Variants in ZBED4 observed in about 807,000 individuals in gnomAD.
The protein encoded by ZBED4 is zinc finger BED-type containing 4.
Under a neutral mutation model 15.5 loss-of-function variants are expected in ZBED4, and 4 were observed. That is an observed-to-expected ratio of 0.26 (90% CI 0.13 to 0.59). The LOEUF is 0.59. Ranked by LOEUF, ZBED4 falls within the 20% of genes least tolerant of loss-of-function variation. ZBED4 has a pLI of 0.90. For synonymous variants in ZBED4, 692 were observed against 608.5 expected, an observed-to-expected ratio of 1.14 and a Z score of -2.02; for missense variants, 1,323 against 1,461.8, an observed-to-expected ratio of 0.91 and a Z score of 1.55.
chr22:49,887,034 C>T lies in ZBED4; in HGVS notation c.3372C>T (p.Cys1124=), dbSNP rs1367960575. 1.2e-6 allele frequency: 2 copies of T among 1,613,938 alleles called. No homozygotes were observed. Among genetic ancestry groups the T allele is most frequent in the Non-Finnish European group, 1.7e-6 (2 of 1,180,042 alleles). Residue 1124 remains cysteine (C), a synonymous_variant, in exon 2 of 2, where the codon TGC becomes TGT. Coordinates refer to ENST00000216268, the MANE Select transcript of ZBED4 (RefSeq NM_014838.3). ...CGCTGGCCGTCAGATTTTTGGGCTG[C>T]CCCCCAAGCATCGTCCCTTCAGAAA... The part of the protein sequence containing the change: ...LSALAVRFLG[C]PPSIVPSEKL...
At position 49,886,989 on chromosome 22, in the gene ZBED4, G is replaced by A. The variant is rs144484677; in HGVS notation, c.3327G>A (p.Ala1109=). Reference sequence around the variant, plus strand: ...TCACCTACTGGAACCTGAAGAAGGCGTCCTGGCCGGGGCTGTCCGCGCTGG... The same window carrying A: ...TCACCTACTGGAACCTGAAGAAGGCATCCTGGCCGGGGCTGTCCGCGCTGG... ...DPLTYWNLKK[A]SWPGLSALAV... Residue 1109 remains alanine, a synonymous_variant, in exon 2 of 2, where the codon GCG becomes GCA. Transcript: ENST00000216268. This position sits in a 1 kb window ranked among gnomAD's most constrained non-coding sequence, Gnocchi z 7.7. 6.3e-5 allele frequency: 101 copies of A among 1,613,986 alleles called. No individual in the cohort carries two copies. The highest frequency in any genetic ancestry group is 1.1e-4 in the South Asian group (10 of 91,072).
At chr22:49,857,859 C>T (rs576789687) in intron 1 of ZBED4, among the ~76,000 whole-genome samples, 1 of 152,338 alleles carries the variant, frequency 6.6e-6, no homozygotes, top group East Asian at 1.9e-4. Flanking sequence ...CAGGTTAAAG[C>T]GATTCTCCTT....
chr22:49,865,262 C>CA (rs2060316717), intron 1 of ZBED4, among the ~76,000 whole-genome samples: 1 of 152,054 alleles, frequency 6.6e-6, no homozygotes, highest in South Asian at 2.1e-4. Context: ...GCACAGTAAA[C>CA]AGATGGTGTC....
Position 49,887,912 on chromosome 22 carries a change from C to G in ZBED4, c.*734C>G, listed in dbSNP as rs1463512342. ...GATCCCTTTGTAACTGTGCTCATCA[C>G]TTCGCCAGTGCGTTCAATGACACGC... On this transcript the variant is annotated 3_prime_UTR_variant, in exon 2 of 2. Coordinates refer to ENST00000216268, the MANE Select transcript of ZBED4 (RefSeq NM_014838.3). 1 of 167,276 alleles carries G rather than the reference C, an allele frequency of 6.0e-6. No individual in the cohort carries two copies. The highest frequency in any genetic ancestry group is 1.5e-5 in the Non-Finnish European group (1 of 68,134). The allele number at this position is 167,276 out of a possible 1,614,324, so 10.4% of individuals were successfully genotyped here.
At chr22:49,867,629 C>T (rs1419331888) in intron 1 of ZBED4, among the ~76,000 whole-genome samples, 2 of 152,290 alleles carry the variant, frequency 1.3e-5, no homozygotes, top group South Asian at 2.1e-4. Flanking sequence ...CAGCTTGGTT[C>T]TGTGGGCCGT....
intron 1 of ZBED4, among the ~76,000 whole-genome samples, chr22:49,873,186 C>T (rs1252979609): frequency 6.6e-6 from 1 of 152,198 alleles, no homozygotes; most frequent in Non-Finnish European, 1.5e-5. Flanking sequence ...TACAAGAGTC[C>T]TAGCGTTGGC....
chr22:49,878,339 C>CT, intron 1 of ZBED4, among the ~76,000 whole-genome samples: 1 of 147,598 alleles, frequency 6.8e-6, no homozygotes. Flanking sequence ...CAGAGATAGG[C>CT]TTTCATTTCT....
intron 1 of ZBED4, among the ~76,000 whole-genome samples, chr22:49,872,419 C>G (rs556819723): frequency 6.6e-6 from 1 of 152,346 alleles, no homozygotes; most frequent in South Asian, 2.1e-4. Context: ...GTCACTTCCT[C>G]CATTGAAGTC....
rs2060456307 is a variant in ZBED4, at chr22:49,889,320, C to G, written c.*2142C>G. The G allele has an allele frequency of 6.0e-6, 1 of 167,062 alleles. No individual in the cohort carries two copies. Among genetic ancestry groups the G allele is most frequent in the Non-Finnish European group, 1.5e-5 (1 of 68,128 alleles). The allele number at this position is 167,062 out of a possible 1,614,324, so 10.3% of individuals were successfully genotyped here. A position where few individuals can be genotyped will look rare whatever the true frequency, so the allele number is the denominator to read the frequency against. ...TTTAACATGGTGTCTTGGCTACTTT[C>G]AGGCTGCGACGGGAGAACTGAATAG... On this transcript the variant is annotated 3_prime_UTR_variant, in exon 2 of 2. Transcript: ENST00000216268.
chr22:49,855,734 C>G (rs2060272472), intron 1 of ZBED4, among the ~76,000 whole-genome samples: 1 of 152,110 alleles, frequency 6.6e-6, no homozygotes, highest in African/African-American at 2.4e-5. Flanking sequence ...TGGTCTCATT[C>G]TCTTTGGTGT....
intron 1 of ZBED4, among the ~76,000 whole-genome samples, chr22:49,878,507 G>T (rs1013282612): frequency 6.6e-6 from 1 of 152,088 alleles, no homozygotes; most frequent in Admixed American, 6.6e-5. Flanking sequence ...CATGGAGAAA[G>T]GATTGTCCTT....
intron 1 of ZBED4, among the ~76,000 whole-genome samples, chr22:49,872,964 A>G (rs201268204): frequency 6.6e-6 from 1 of 152,060 alleles, no homozygotes; most frequent in African/African-American, 2.4e-5. Flanking sequence ...CCAAAGTGCT[A>G]GGATTACAGG....
At chr22:49,874,449 G>A (rs1341875744) in intron 1 of ZBED4, among the ~76,000 whole-genome samples, 3 of 150,446 alleles carry the variant, frequency 2.0e-5, no homozygotes, top group Admixed American at 6.6e-5. Flanking sequence ...GCAGTGGTGC[G>A]ATCTCGGCTC....
At position 49,885,879 on chromosome 22, in the gene ZBED4, G is replaced by C; in HGVS notation, c.2217G>C (p.Gln739His). 1.6e-6 allele frequency: 2 copies of C among 1,253,144 alleles called. No individual in the cohort carries two copies. The highest frequency in any genetic ancestry group is 2.3e-6 in the Non-Finnish European group (2 of 856,288). The allele number at this position is 1,253,144 out of a possible 1,614,324, so 77.6% of individuals were successfully genotyped here. ...CGTCTGGAATATGGATGAGTAACCAGACCCGTGAGTACCTGACCCTCACGG... is the reference window on the plus strand; with the variant it reads ...CGTCTGGAATATGGATGAGTAACCACACCCGTGAGTACCTGACCCTCACGG... Reference protein sequence around the residue: ...HFTSGIWMSNQTREYLTLTAH... With the variant: ...HFTSGIWMSNHTREYLTLTAH... Residue 739 changes from glutamine to histidine, a missense_variant, in exon 2 of 2, where the codon CAG becomes CAC. Transcript: ENST00000216268.
chr22:49,864,451 G>A (rs77396786), intron 1 of ZBED4, among the ~76,000 whole-genome samples: 38 of 152,230 alleles, frequency 2.5e-4, no homozygotes, highest in Middle Eastern at 3.4e-3. Context: ...TAGCCATTAC[G>A]TACTACAGAT....
Position 49,885,340 on chromosome 22 carries a change from A to G in ZBED4, c.1678A>G (p.Thr560Ala). The G allele has an allele frequency of 2.5e-6, 4 of 1,588,466 alleles. No individual in the cohort carries two copies. Among genetic ancestry groups the G allele is most frequent in the South Asian group, 2.2e-5 (2 of 89,272 alleles). Reference sequence around the variant, plus strand: ...TATGTTTCCTGTTAATAGCAAAAAGACCTCGAAGCTGTGGAATCATTTTTC... The same window carrying G: ...TATGTTTCCTGTTAATAGCAAAAAGGCCTCGAAGCTGTGGAATCATTTTTC... ...QVMFPVNSKK[T>A]SKLWNHFSIC... The change falls in exon 2 of 2, where the codon ACC (threonine) becomes GCC (alanine). Residue 560 changes from threonine (T) to alanine (A), a missense_variant. Coordinates refer to ENST00000216268, the MANE Select transcript of ZBED4 (RefSeq NM_014838.3).
At chr22:49,871,631 T>C (rs1373949584) in intron 1 of ZBED4, among the ~76,000 whole-genome samples, 4 of 152,172 alleles carry the variant, frequency 2.6e-5, no homozygotes. Flanking sequence ...CAACTCATAA[T>C]CTCAGCTGGG....
intron 1 of ZBED4, among the ~76,000 whole-genome samples, chr22:49,882,402 A>T (rs1160568625): frequency 6.6e-6 from 1 of 152,232 alleles, no homozygotes; most frequent in Non-Finnish European, 1.5e-5. Context: ...AAGTGACAGT[A>T]AAACTCCGTC....
chr22:49,877,614 T>C (rs1024121023), intron 1 of ZBED4, among the ~76,000 whole-genome samples: 6 of 152,128 alleles, frequency 3.9e-5, no homozygotes, highest in Non-Finnish European at 8.8e-5. Context: ...TTTATTTGGG[T>C]ATAATTGATA....
Sources: allele counts gnomAD v4.1 joint callset (sites outside exome capture counted in the v4.1 genomes callset), GRCh38; gene constraint gnomAD v4.1.1; non-coding constraint Gnocchi (gnomAD v3.1); transcripts MANE v1.5; gene names NCBI Gene and HGNC (gene_info 2026-07-23, HGNC 2026-07-21).